AHCTF1: variants seen among roughly 807,000 people sequenced by gnomAD.
AHCTF1 encodes the protein protein ELYS.
In AHCTF1, 24 loss-of-function variants were observed where a neutral mutation model predicts 248.4. The ratio of observed to expected loss-of-function variants is 0.10; its 90% CI spans 0.07 to 0.14. The LOEUF (loss-of-function observed/expected upper bound fraction) is 0.14. Among genes scored for constraint, AHCTF1 ranks in the 10% least tolerant of loss-of-function variants. AHCTF1 has a pLI of 1.00. For synonymous variants in AHCTF1, 786 were observed against 929.8 expected (o/e 0.85, Z 2.81); for missense variants, 2,206 against 2,636.2 (o/e 0.84, Z 3.57).
chr1:246,877,549 C>A (rs1558240430), intron 21 of AHCTF1, among the ~76,000 whole-genome samples: 2 of 151,818 alleles, frequency 1.3e-5, no homozygotes. Context: ...GCAAAGTAGA[C>A]AAAAATTCAA....
chr1:246,927,972 C>T (rs764296899), intron 1 of AHCTF1, among the ~76,000 whole-genome samples: 8 of 152,042 alleles, frequency 5.3e-5, no homozygotes, highest in Non-Finnish European at 1.2e-4. Flanking sequence ...TGCACTCCAG[C>T]CTGGCGACAG....
Position 246,863,930 on chromosome 1 carries a change from T to C in AHCTF1, c.3534A>G (p.Val1178=), listed in dbSNP as rs1661759243. The change falls in exon 27 of 36, where the codon GTA becomes GTG. Residue 1178 remains valine (V), a synonymous_variant. Coordinates refer to ENST00000648844, the MANE Select transcript of AHCTF1 (RefSeq NM_001323342.2). ...SELHLLETPL[V]VKKAKSLAMS... is the part of the protein sequence containing the mutation. ...TAGATGCGTAAATACTAACCTTAAC[T>C]ACAAGAGGAGTTTCAAGCAAATGTA... 2 of 1,613,740 alleles carry C rather than the reference T, an allele frequency of 1.2e-6. No homozygotes were observed. The highest frequency in any genetic ancestry group is 1.3e-5 in the African/African-American group (1 of 74,900).
intron 33 of AHCTF1, among the ~76,000 whole-genome samples, chr1:246,845,921 T>C (rs1166427326): frequency 2.0e-5 from 3 of 151,788 alleles, no homozygotes; most frequent in Non-Finnish European, 4.4e-5. Context: ...AACAATTGGC[T>C]CTTACCAGCC....
At chr1:246,873,865 T>A (rs1171758847) in intron 24 of AHCTF1, among the ~76,000 whole-genome samples, 1 of 152,182 alleles carries the variant, frequency 6.6e-6, no homozygotes, top group African/African-American at 2.4e-5. Flanking sequence ...ACATGTATAG[T>A]AAATACTACT....
At chr1:246,858,119 CCTG>C (rs1270793919) in intron 29 of AHCTF1, among the ~76,000 whole-genome samples, 2 of 151,978 alleles carry the variant, frequency 1.3e-5, no homozygotes, top group Non-Finnish European at 1.5e-5. Flanking sequence ...GCCACCATGC[CCTG>C]CTGATTTTTT....
At chr1:246,871,198 C>A (rs1297796454) in intron 24 of AHCTF1, among the ~76,000 whole-genome samples, 3 of 152,198 alleles carry the variant, frequency 2.0e-5, no homozygotes. Context: ...GTGGTTACTA[C>A]TTGCCTATTA....
chr1:246,924,372 C>T (rs1033836174), intron 1 of AHCTF1, among the ~76,000 whole-genome samples: 1 of 152,114 alleles, frequency 6.6e-6, no homozygotes. Context: ...GAAATATTCA[C>T]AAAACATTAG....
chr1:246,908,499 G>A (rs890469499), intron 4 of AHCTF1, among the ~76,000 whole-genome samples: 1 of 151,984 alleles, frequency 6.6e-6, no homozygotes, highest in African/African-American at 2.4e-5. Context: ...GTTTCAGAGT[G>A]ACCAGAAAGC....
intron 2 of AHCTF1, among the ~76,000 whole-genome samples, chr1:246,917,379 T>C (rs1295324711): frequency 6.6e-6 from 1 of 152,140 alleles, no homozygotes; most frequent in Non-Finnish European, 1.5e-5. Context: ...CCAAGTACAT[T>C]AGTTGGATAT....
Position 246,888,469 on chromosome 1 carries a change from C to G in AHCTF1, c.2193G>C (p.Gln731His). The G allele has an allele frequency of 6.2e-7, 1 of 1,613,720 alleles. No individual in the cohort carries two copies. The highest frequency in any genetic ancestry group is 8.5e-7 in the Non-Finnish European group (1 of 1,180,004). ...ACAACTTCTCAATTCGCTCTCCTAA[C>G]TGAGAAACCAGTCCATCAATCATCA... ...DCLMIDGLVS[Q>H]LGERIEKLWK... The change falls in exon 18 of 36, where the codon CAG becomes CAC. Residue 731 changes from glutamine to histidine, a missense_variant. Gln to His is a conservative substitution (Grantham distance 24). Coordinates refer to ENST00000648844, the MANE Select transcript of AHCTF1 (RefSeq NM_001323342.2).
chr1:246,867,208 C>A, intron 26 of AHCTF1, 36 bp downstream of exon 26: 2 of 1,151,330 alleles, frequency 1.7e-6, no homozygotes, highest in Middle Eastern at 2.9e-4. Flanking sequence ...TATCATCTAA[C>A]ATTGTGTCTC....
In AHCTF1 at chr1:246,864,275, AAGTC is replaced by A. The variant is rs1201598513; in HGVS notation, c.3348-163_3348-160del. On this transcript the variant is annotated intron_variant, in intron 26 of 35. Coordinates refer to ENST00000648844, the MANE Select transcript of AHCTF1 (RefSeq NM_001323342.2). ...TCCAAAGTGCTACCATGCATTCAAAAAGTCAGAAAATTATTCATCGCAAAACAGA... is the reference window on the plus strand; with the variant it reads ...TCCAAAGTGCTACCATGCATTCAAAAAGAAAATTATTCATCGCAAAACAGA... The A allele has an allele frequency of 7.0e-6, 5 of 718,058 alleles. No individual in the cohort carries two copies. The African/African-American group carries it at 9.0e-5, about 13-fold the overall frequency. The allele number at this position is 718,058 out of a possible 1,614,324, so 44.5% of individuals were successfully genotyped here.
chr1:246,857,136 C>G (rs1263296290), intron 30 of AHCTF1, among the ~76,000 whole-genome samples: 2 of 152,206 alleles, frequency 1.3e-5, no homozygotes, highest in Non-Finnish European at 2.9e-5. Flanking sequence ...TATCTATATT[C>G]CAAGGCAGGC....
chr1:246,917,742 T>G (rs1004038256), intron 2 of AHCTF1, among the ~76,000 whole-genome samples: 1 of 152,206 alleles, frequency 6.6e-6, no homozygotes, highest in Non-Finnish European at 1.5e-5. Context: ...ATATCTTTCA[T>G]TAGAACAAGA....
chr1:246,900,569 T>A, intron 8 of AHCTF1, 100 bp from the exon 9 acceptor site: 1 of 1,265,226 alleles, frequency 7.9e-7, no homozygotes, highest in Non-Finnish European at 1.1e-6. Context: ...TTAAGCGGTT[T>A]AATTCATATT....
chr1:246,899,648 T>C (rs1274425076), intron 10 of AHCTF1, 136 bp from the exon 11 acceptor site: 5 of 624,196 alleles, frequency 8.0e-6, no homozygotes, highest in African/African-American at 3.8e-5. Context: ...TAAACTTTTC[T>C]AGGTATTTTC....
chr1:246,927,314 C>T (rs973176759), intron 1 of AHCTF1, among the ~76,000 whole-genome samples: 2 of 151,950 alleles, frequency 1.3e-5, no homozygotes, highest in Non-Finnish European at 2.9e-5. Context: ...GGTGAAACCC[C>T]GTCTCTACTA....
At chr1:246,892,301 C>CTTTTTTTTTTTTTTTT (rs74163502) in intron 14 of AHCTF1, among the ~76,000 whole-genome samples, 4 of 64,974 alleles carry the variant, frequency 6.2e-5, no homozygotes, top group Admixed American at 4.6e-4. Context: ...ATTTGTTTTA[C>CTTTTTTTTTTTTTTTT]TTTTTTTTTT....
chr1:246,867,675 G>A lies in AHCTF1; in HGVS notation c.3225C>T (p.Thr1075=). ...VWASKEPINS[T]TPFNSSKIEE... ...AGAAAACATACCTATTGAAAGGTGT[G>A]GTGCTATTTATAGGTTCTTTGCTTG... is the stretch of plus-strand genomic sequence containing the variant. The change falls in exon 25 of 36, where the codon ACC becomes ACT. Residue 1075 remains threonine (T), a synonymous_variant. Transcript: ENST00000648844. 4 of 1,611,618 alleles carry A rather than the reference G, an allele frequency of 2.5e-6. No homozygotes were observed. Among genetic ancestry groups the A allele is most frequent in the Non-Finnish European group, 3.4e-6 (4 of 1,179,670 alleles).
Sources: allele counts gnomAD v4.1 joint callset (sites outside exome capture counted in the v4.1 genomes callset), GRCh38; gene constraint gnomAD v4.1.1; transcripts MANE v1.5; gene names NCBI Gene and HGNC (gene_info 2026-07-23, HGNC 2026-07-21).